Variants in PDE1C observed in about 807,000 individuals in gnomAD.
PDE1C encodes the protein phosphodiesterase 1C.
PDE1C carries 62 observed loss-of-function variants against 93.1 expected under a neutral mutation model. The observed-to-expected ratio is 0.67, with a 90% confidence interval of 0.54 to 0.82. The LOEUF (loss-of-function observed/expected upper bound fraction) is 0.82, where lower values mean the gene tolerates loss of function less well. PDE1C is among the 40% of genes least tolerant of loss of function. The probability of loss-of-function intolerance (pLI) is 0.00; values close to 1 mark genes in which losing one functional copy is unlikely to be tolerated. For synonymous variants in PDE1C, 325 were observed against 310.1 expected, an observed-to-expected ratio of 1.05 and a Z score of -0.50; for missense variants, 742 against 884.6, an observed-to-expected ratio of 0.84 and a Z score of 2.04.
At chr7:32,420,553 C>A (rs1387506885) in intron 1 of PDE1C, among the ~76,000 whole-genome samples, 8 of 136,024 alleles carry the variant, frequency 5.9e-5, no homozygotes, top group African/African-American at 1.1e-4. Flanking sequence ...GGCTCCATCT[C>A]AAAAAAAAAA....
intron 16 of PDE1C, among the ~76,000 whole-genome samples, chr7:31,794,035 GATA>G (rs1367779935): frequency 8.3e-6 from 1 of 120,840 alleles, no homozygotes; most frequent in African/African-American, 3.3e-5. Context: ...TAGATAGATA[GATA>G]GATAGACAGA....
chr7:31,743,577 A>G, the PDE1C span, among the ~76,000 whole-genome samples: 92 of 130,170 alleles, frequency 7.1e-4, no homozygotes, highest in South Asian at 7.1e-3. Flanking sequence ...GTGTGTGCGC[A>G]CACACACACA....
intron 3 of PDE1C, among the ~76,000 whole-genome samples, chr7:32,083,781 C>A (rs1308202589): frequency 6.6e-6 from 1 of 152,014 alleles, no homozygotes; most frequent in Non-Finnish European, 1.5e-5. Flanking sequence ...AAATAAAATA[C>A]TTTACAGACA....
chr7:31,759,401 G>A (rs764326950), intron 17 of PDE1C, among the ~76,000 whole-genome samples: 1 of 152,102 alleles, frequency 6.6e-6, no homozygotes, highest in African/African-American at 2.4e-5. Context: ...CCAACCAGTC[G>A]TACAATCCCC....
chr7:32,101,867 T>C (rs1798055710), intron 3 of PDE1C, among the ~76,000 whole-genome samples: 1 of 152,232 alleles, frequency 6.6e-6, no homozygotes, highest in African/African-American at 2.4e-5. Flanking sequence ...TGTGGGGGCC[T>C]CAGGAAAGTT....
At chr7:31,827,987 G>A (rs1021011808) in intron 12 of PDE1C, among the ~76,000 whole-genome samples, 14 of 152,216 alleles carry the variant, frequency 9.2e-5, no homozygotes, top group African/African-American at 3.4e-4. Context: ...ATGGCGGGAT[G>A]GAGTAGAATG....
At chr7:31,702,588 A>G in the PDE1C span, among the ~76,000 whole-genome samples, 12 of 152,222 alleles carry the variant, frequency 7.9e-5, no homozygotes. Flanking sequence ...TATTAGTCAC[A>G]GCATGCAAAT....
intron 1 of PDE1C, among the ~76,000 whole-genome samples, chr7:32,062,536 A>G (rs548405280): frequency 1.3e-5 from 2 of 152,080 alleles, no homozygotes; most frequent in Non-Finnish European, 2.9e-5. Context: ...CTTAACTACA[A>G]TTTACATAAT....
chr7:32,250,266 T>C (rs13224669), intron 1 of PDE1C, among the ~76,000 whole-genome samples: 15,974 of 152,120 alleles, frequency 0.11, 886 homozygotes, highest in East Asian at 0.13. Flanking sequence ...ATGACACATA[T>C]AAGAATGACA....
the PDE1C span, among the ~76,000 whole-genome samples, chr7:31,730,391 CCTCAGGGCCA>C: frequency 6.6e-6 from 1 of 152,176 alleles, no homozygotes; most frequent in Non-Finnish European, 1.5e-5. Flanking sequence ...TCCAGGGTCA[CCTCAGGGCCA>C]CTCGTGCTCT....
At chr7:32,116,404 G>A (rs1472125298) in intron 3 of PDE1C, among the ~76,000 whole-genome samples, 1 of 151,994 alleles carries the variant, frequency 6.6e-6, no homozygotes, top group Admixed American at 6.6e-5. Flanking sequence ...GGGAATAGGA[G>A]AAGAGTGTCC....
chr7:32,099,953 C>T, intron 3 of PDE1C, among the ~76,000 whole-genome samples: 1 of 152,114 alleles, frequency 6.6e-6, no homozygotes, highest in East Asian at 1.9e-4. Context: ...GTCAGCATCA[C>T]CAACATAAAA....
chr7:32,159,199 G>C (rs893642994), intron 3 of PDE1C, among the ~76,000 whole-genome samples: 2 of 152,184 alleles, frequency 1.3e-5, no homozygotes, highest in Admixed American at 6.5e-5. Context: ...TGTAATTGTA[G>C]AGTATGCACT....
At chr7:31,634,358 C>T in the PDE1C span, among the ~76,000 whole-genome samples, 1 of 152,088 alleles carries the variant, frequency 6.6e-6, no homozygotes, top group African/African-American at 2.4e-5. Flanking sequence ...TGTCCTGCAG[C>T]AAAAATTTAC....
At chr7:32,030,078 AACACACACACACACACACACAC>A (rs376919544) in intron 2 of PDE1C, among the ~76,000 whole-genome samples, 2 of 134,086 alleles carry the variant, frequency 1.5e-5, no homozygotes, top group East Asian at 4.6e-4. Context: ...TGCATATTAT[AACACACACACACACACACACAC>A]ACACACACAC....
intron 14 of PDE1C, among the ~76,000 whole-genome samples, chr7:31,822,238 C>T (rs1562864780): frequency 6.6e-6 from 1 of 152,020 alleles, no homozygotes. Flanking sequence ...GTTGAAGGCT[C>T]ACCTCTAGGA....
At chr7:32,323,831 C>T (rs1039502515) in intron 1 of PDE1C, among the ~76,000 whole-genome samples, 3 of 152,176 alleles carry the variant, frequency 2.0e-5, no homozygotes, top group African/African-American at 7.2e-5. Context: ...AAATCCCCCA[C>T]CCCAGCATGG....
the PDE1C span, chr7:31,697,015 C>A: frequency 6.2e-7 from 1 of 1,614,136 alleles, no homozygotes. Flanking sequence ...AGAGAGACAT[C>A]CAAAGGGCAA....
intron 2 of PDE1C, among the ~76,000 whole-genome samples, chr7:31,895,454 G>A (rs754248806): frequency 9.9e-5 from 15 of 152,162 alleles, no homozygotes; most frequent in Non-Finnish European, 1.8e-4. Flanking sequence ...GAGAGTAACA[G>A]CGAGCAGAAT....
Sources: allele counts gnomAD v4.1 joint callset (sites outside exome capture counted in the v4.1 genomes callset), GRCh38; gene constraint gnomAD v4.1.1; transcripts MANE v1.5; gene names NCBI Gene and HGNC (gene_info 2026-07-23, HGNC 2026-07-21).